Variants in TCF4 observed in about 807,000 individuals in gnomAD.
TCF4 encodes transcription factor 4, also known as SL3-3 enhancer factor 2.
Under a neutral mutation model 82.1 loss-of-function variants are expected in TCF4, and 3 were observed. The ratio of observed to expected loss-of-function variants is 0.04; its 90% confidence interval spans 0.02 to 0.09. The LOEUF is 0.09. Among genes scored for constraint, TCF4 ranks in the 10% least tolerant of loss-of-function variants. TCF4 has a pLI of 1.00. For synonymous variants in TCF4, 276 were observed against 309.6 expected, an observed-to-expected ratio of 0.89 and a Z score of 1.14; for missense variants, 518 against 852.7, an observed-to-expected ratio of 0.61 and a Z score of 4.89.
chr18:55,586,783 A>G (rs939834812), intron 2 of TCF4: 1 of 456,926 alleles, frequency 2.2e-6, no homozygotes, highest in Non-Finnish European at 4.0e-6. Context: ...CACTGGGGTG[A>G]GATTCCATTA....
chr18:55,308,299 T>G (rs2071058159), intron 8 of TCF4, among the ~76,000 whole-genome samples: 1 of 152,222 alleles, frequency 6.6e-6, no homozygotes, highest in Admixed American at 6.5e-5. Context: ...GGGGTATACG[T>G]GCTTGTTGTT....
rs940680107 is a variant in TCF4, at chr18:55,227,888, T to C, written c.*147A>G. On this transcript the variant is annotated 3_prime_UTR_variant, in exon 20 of 20. Transcript: ENST00000354452. Reference sequence around the variant, plus strand: ...TGATAATTGGGAATGCTGAAACCTCTTGCGTCTGCGATTCATAACTACTCA... The same window carrying C: ...TGATAATTGGGAATGCTGAAACCTCCTGCGTCTGCGATTCATAACTACTCA... 8.1e-6 allele frequency: 2 copies of C among 246,366 alleles called. No individual in the cohort carries two copies. Among genetic ancestry groups the C allele is most frequent in the Admixed American group, 5.1e-5 (1 of 19,482 alleles). 15.3% of individuals were successfully genotyped at this position (246,366 alleles called of 1,614,324 possible).
upstream of TCF4, among the ~76,000 whole-genome samples, chr18:55,590,068 C>T (rs2097681953): frequency 6.6e-6 from 1 of 152,218 alleles, no homozygotes; most frequent in Non-Finnish European, 1.5e-5. Flanking sequence ...CGTGTTGCCG[C>T]TTCTTGGCCG....
intron 15 of TCF4, among the ~76,000 whole-genome samples, chr18:55,235,846 G>C (rs1479291980): frequency 6.6e-6 from 1 of 152,124 alleles, no homozygotes; most frequent in Admixed American, 6.5e-5. Flanking sequence ...AAACCAGAAA[G>C]GAGAATCATC....
Position 55,275,202 on chromosome 18 carries a change from G to A in TCF4, c.789+417C>T, listed in dbSNP as rs149625322. On this transcript the variant is annotated intron_variant, in intron 10 of 19. Coordinates refer to ENST00000354452, the MANE Select transcript of TCF4 (RefSeq NM_001083962.2). Reference sequence around the variant, plus strand: ...TAGGCCAGTCAATGGGAAATGAAATGCTCCTGGGTGATGCATATAATCTAC... The same window carrying A: ...TAGGCCAGTCAATGGGAAATGAAATACTCCTGGGTGATGCATATAATCTAC... 1.7e-4 allele frequency among the ~76,000 whole-genome samples: 25 copies of A among 146,634 alleles called. 1 individual carries two copies. The East Asian group carries it at 5.1e-3, about 30-fold the overall frequency.
At chr18:55,393,660 G>C (rs944075126) in intron 6 of TCF4, among the ~76,000 whole-genome samples, 10 of 152,122 alleles carry the variant, frequency 6.6e-5, no homozygotes, top group African/African-American at 1.9e-4. Context: ...CAAAATGTTT[G>C]CTTCATGCAA....
At chr18:55,587,162 C>G in intron 1 of TCF4, 26 bp from the exon 2 acceptor site, 1 of 1,364,544 alleles carries the variant, frequency 7.3e-7, no homozygotes, top group Non-Finnish European at 9.7e-7. Context: ...TAACCGCAAT[C>G]AGAAAATCCA....
At chr18:55,522,199 C>A (rs1276621387) in intron 3 of TCF4, among the ~76,000 whole-genome samples, 1 of 152,188 alleles carries the variant, frequency 6.6e-6, no homozygotes, top group Non-Finnish European at 1.5e-5. Flanking sequence ...CTCCCTCCAG[C>A]GCCTCCTATT....
chr18:55,574,989 T>C (rs1229975777), intron 3 of TCF4, among the ~76,000 whole-genome samples: 2 of 152,174 alleles, frequency 1.3e-5, no homozygotes, highest in Non-Finnish European at 2.9e-5. Flanking sequence ...CTTTAAACAA[T>C]CAAGCCTTAA....
chr18:55,339,055 T>G (rs1221302604), intron 8 of TCF4, among the ~76,000 whole-genome samples: 3 of 152,222 alleles, frequency 2.0e-5, no homozygotes, highest in African/African-American at 7.2e-5. Context: ...AAGCAATCTG[T>G]TTCCTCATGT....
chr18:55,632,967 G>A (rs2148007419), intron 1 of TCF4, among the ~76,000 whole-genome samples: 1 of 152,340 alleles, frequency 6.6e-6, no homozygotes, highest in Admixed American at 6.5e-5. Context: ...TGAGGTCATA[G>A]GAGAGGTCCA....
At chr18:55,465,861 A>T (rs898510142) in intron 3 of TCF4, among the ~76,000 whole-genome samples, 3 of 152,206 alleles carry the variant, frequency 2.0e-5, no homozygotes, top group Non-Finnish European at 2.9e-5. Context: ...GCCAGCTTGG[A>T]TTCATTTGAG....
chr18:55,515,300 C>G (rs146421655), intron 3 of TCF4, among the ~76,000 whole-genome samples: 1 of 152,278 alleles, frequency 6.6e-6, no homozygotes, highest in East Asian at 1.9e-4. Context: ...TGGTCACACT[C>G]ATTTGTTCAT....
At chr18:55,298,735 C>T (rs879341265) in intron 8 of TCF4, among the ~76,000 whole-genome samples, 14 of 152,222 alleles carry the variant, frequency 9.2e-5, no homozygotes, top group African/African-American at 3.4e-4. Context: ...TGAATTCAAA[C>T]GTATCTCTGA....
intron 3 of TCF4, among the ~76,000 whole-genome samples, chr18:55,467,083 C>T (rs779154847): frequency 4.6e-5 from 7 of 152,096 alleles, no homozygotes; most frequent in Non-Finnish European, 8.8e-5. Context: ...CACTAGCTCT[C>T]CCAAACCTAA....
At position 55,454,004 on chromosome 18, in the gene TCF4, T is replaced by C. The variant is rs897795238; in HGVS notation, c.304+7015A>G. ...CAGCCTCCTGAATGTCTGGGACCACTAGTGCATAAAACCACACCCAGCTAA... is the reference window on the plus strand; with the variant it reads ...CAGCCTCCTGAATGTCTGGGACCACCAGTGCATAAAACCACACCCAGCTAA... On this transcript the variant is annotated intron_variant, in intron 5 of 19. Coordinates refer to ENST00000354452, the MANE Select transcript of TCF4 (RefSeq NM_001083962.2). Among the ~76,000 whole-genome samples, 105 of 151,998 alleles carry C rather than the reference T, an allele frequency of 6.9e-4. 1 individual carries two copies. Among genetic ancestry groups the C allele is most frequent in the African/African-American group, 2.5e-3 (104 of 41,462 alleles).
chr18:55,481,264 T>C (rs1182120956), intron 3 of TCF4, among the ~76,000 whole-genome samples: 2 of 152,214 alleles, frequency 1.3e-5, no homozygotes, highest in Non-Finnish European at 1.5e-5. Flanking sequence ...GGCACAATGT[T>C]GGAAGTATTT....
intron 8 of TCF4, among the ~76,000 whole-genome samples, chr18:55,294,512 T>G (rs1411962466): frequency 2.6e-5 from 4 of 152,182 alleles, no homozygotes; most frequent in Non-Finnish European, 4.4e-5. Context: ...AAGGGAAGTA[T>G]ACATCATGCA....
At position 55,303,254 on chromosome 18, in the gene TCF4, C is replaced by CACACACACACACACCCCT. The variant is rs1568861812; in HGVS notation, c.550-23616_550-23599dup. Among the ~76,000 whole-genome samples, 44 of 150,104 alleles carry CACACACACACACACCCCT rather than the reference C, an allele frequency of 2.9e-4. No individual in the cohort carries two copies. In the South Asian group the frequency reaches 5.3e-3, roughly 18 times the overall value. ...ACACACACACACACACACACACACA[C>CACACACACACACACCCCT]ACACACACACACACCCCTACACACC... On this transcript the variant is annotated intron_variant, in intron 8 of 19. Coordinates refer to ENST00000354452, the MANE Select transcript of TCF4 (RefSeq NM_001083962.2).
Sources: gnomAD v4.1 joint callset for allele counts (sites outside exome capture counted in the v4.1 genomes callset) on GRCh38, gnomAD v4.1.1 for gene constraint, MANE v1.5 for transcripts, NCBI Gene and HGNC (gene_info 2026-07-23, HGNC 2026-07-21) for gene names.